The following SLC25A48 variants were observed in gnomAD, a reference collection of about 807,000 sequenced individuals.
SLC25A48 encodes the protein solute carrier family 25 member 48, also known as CTC-321K16.1.
SLC25A48 carries 29 observed loss-of-function variants against 32.2 expected under a neutral mutation model. That is an observed-to-expected ratio of 0.90 (90% confidence interval 0.67 to 1.23). The LOEUF is 1.23. Ranked by LOEUF, SLC25A48 falls within the 50% of genes most tolerant of loss-of-function variation. SLC25A48 has a pLI of 0.00. For synonymous variants in SLC25A48, 164 were observed against 172.3 expected (o/e 0.95, Z 0.38); for missense variants, 399 against 422.7 (o/e 0.94, Z 0.49).
chr5:135,697,313 A>G (rs1269159871), intron 3 of SLC25A48, among the ~76,000 whole-genome samples: 2 of 150,804 alleles, frequency 1.3e-5, no homozygotes, highest in African/African-American at 4.9e-5. Context: ...CTGCCCCTCC[A>G]CAGTGCTATC....
chr5:135,771,862 C>T (rs554700471), intron 3 of SLC25A48, among the ~76,000 whole-genome samples: 19 of 151,052 alleles, frequency 1.3e-4, no homozygotes, highest in Admixed American at 2.7e-4. Context: ...TGTACACAAC[C>T]CTGTGATATT....
At chr5:135,612,115 T>A (rs1752087149) in intron 1 of SLC25A48, among the ~76,000 whole-genome samples, 2 of 152,306 alleles carry the variant, frequency 1.3e-5, no homozygotes, top group East Asian at 1.9e-4. Context: ...GTCTAACATA[T>A]AAAATACCTA....
At chr5:135,641,941 A>G (rs1467012617) in intron 3 of SLC25A48, among the ~76,000 whole-genome samples, 3 of 152,206 alleles carry the variant, frequency 2.0e-5, no homozygotes, top group African/African-American at 7.2e-5. Context: ...GCCTCAGGCT[A>G]TTGACAACTA....
intron 3 of SLC25A48, among the ~76,000 whole-genome samples, chr5:135,800,428 C>T (rs2126641794): frequency 6.6e-6 from 1 of 151,998 alleles, no homozygotes; most frequent in Non-Finnish European, 1.5e-5. Context: ...ATATTACTTT[C>T]AATATCACAG....
intron 3 of SLC25A48, among the ~76,000 whole-genome samples, chr5:135,642,792 A>C (rs918479375): frequency 6.6e-6 from 1 of 152,104 alleles, no homozygotes. Flanking sequence ...ACAAAAGGGG[A>C]ACTGAGGATG....
intron 4 of SLC25A48, among the ~76,000 whole-genome samples, chr5:135,853,892 T>A (rs535758366): frequency 2.6e-5 from 4 of 152,208 alleles, no homozygotes; most frequent in Non-Finnish European, 5.9e-5. Context: ...ATATACTTCT[T>A]AAGTAACAAG....
intron 4 of SLC25A48, among the ~76,000 whole-genome samples, chr5:135,861,746 T>G (rs1359157214): frequency 6.6e-6 from 1 of 152,238 alleles, no homozygotes; most frequent in Non-Finnish European, 1.5e-5. Context: ...GGCTCTTTGA[T>G]TCATGAGTGG....
At chr5:135,735,290 G>A (rs1480497903) in intron 3 of SLC25A48, among the ~76,000 whole-genome samples, 1 of 152,216 alleles carries the variant, frequency 6.6e-6, no homozygotes, top group African/African-American at 2.4e-5. Context: ...CAACTTGAAG[G>A]TGAGGTTGAT....
chr5:135,787,556 C>T (rs1756880681), intron 3 of SLC25A48, among the ~76,000 whole-genome samples: 1 of 151,984 alleles, frequency 6.6e-6, no homozygotes, highest in African/African-American at 2.4e-5. Context: ...CTCCTATTTT[C>T]ACAGGAGGTG....
In SLC25A48 at chr5:135,888,340, G is replaced by A; in HGVS notation, c.*316G>A. Reference sequence around the variant, plus strand: ...GCACCAGGGAGCCAGAAACCACCCAGAGAAACGTTGCTTCACTCCTCTGTC... The same window carrying A: ...GCACCAGGGAGCCAGAAACCACCCAAAGAAACGTTGCTTCACTCCTCTGTC... On this transcript the variant is annotated 3_prime_UTR_variant, in exon 8 of 8. Coordinates refer to ENST00000681962, the MANE Select transcript of SLC25A48 (RefSeq NM_001349336.2). The A allele has an allele frequency of 2.5e-6, 1 of 402,416 alleles. No homozygotes were observed. The highest frequency in any genetic ancestry group is 4.5e-6 in the Non-Finnish European group (1 of 219,884). 24.9% of individuals were successfully genotyped at this position (402,416 alleles called of 1,614,324 possible). A position where few individuals can be genotyped will look rare whatever the true frequency, so the allele number is the denominator to read the frequency against.
At chr5:135,764,751 C>G (rs1016959739) in intron 3 of SLC25A48, among the ~76,000 whole-genome samples, 18 of 148,122 alleles carry the variant, frequency 1.2e-4, no homozygotes, top group African/African-American at 4.5e-4. Flanking sequence ...GGGGTGCACA[C>G]CCCACCTGTG....
At position 135,781,334 on chromosome 5, in the gene SLC25A48, T is replaced by C. The variant is rs1756712591; in HGVS notation, c.-520-31189T>C. On this transcript the variant is annotated intron_variant, in intron 3 of 10. Coordinates refer to the SLC25A48 transcript ENST00000646290. ...ATATGCAGAAGGGGTAGGGATGACATTACTCTCCATATCGCGGATGTGTAC... is the reference window on the plus strand; with the variant it reads ...ATATGCAGAAGGGGTAGGGATGACACTACTCTCCATATCGCGGATGTGTAC... Among the ~76,000 whole-genome samples the C allele has an allele frequency of 1.7e-5, 2 of 116,970 alleles. 1 individual carries two copies. The highest frequency in any genetic ancestry group is 4.2e-5 in the Non-Finnish European group (2 of 47,412). 76.7% of individuals were successfully genotyped at this position (116,970 alleles called of 152,430 possible).
intron 3 of SLC25A48, chr5:135,742,383 G>C: frequency 8.5e-7 from 1 of 1,175,266 alleles, no homozygotes. Context: ...ACCTGGCCTA[G>C]GAATCCGTTA....
At chr5:135,735,127 C>T (rs1755330758) in intron 3 of SLC25A48, among the ~76,000 whole-genome samples, 1 of 152,174 alleles carries the variant, frequency 6.6e-6, no homozygotes. Context: ...GCCAGATTTC[C>T]AGCACTTGAA....
chr5:135,597,652 A>T (rs1751684788), intron 1 of SLC25A48, among the ~76,000 whole-genome samples: 1 of 152,254 alleles, frequency 6.6e-6, no homozygotes, highest in African/African-American at 2.4e-5. Flanking sequence ...CATAGTTCAC[A>T]TCCTAAGCTT....
At chr5:135,754,015 C>T (rs1174963593) in intron 3 of SLC25A48, among the ~76,000 whole-genome samples, 1 of 150,218 alleles carries the variant, frequency 6.7e-6, no homozygotes, top group Non-Finnish European at 1.5e-5. Context: ...GCTGTACACC[C>T]ACTGTTACAC....
At chr5:135,638,787 A>G (rs529181150) in intron 3 of SLC25A48, among the ~76,000 whole-genome samples, 26 of 152,356 alleles carry the variant, frequency 1.7e-4, no homozygotes, top group East Asian at 7.7e-4. Flanking sequence ...CATAATCTGC[A>G]TACATCATTG....
chr5:135,732,926 C>G (rs1367284973), intron 3 of SLC25A48, among the ~76,000 whole-genome samples: 4 of 152,146 alleles, frequency 2.6e-5, no homozygotes, highest in Non-Finnish European at 5.9e-5. Context: ...CTTTTGATGG[C>G]TCTTGCAGTG....
intron 3 of SLC25A48, among the ~76,000 whole-genome samples, chr5:135,669,410 A>G (rs1293753336): frequency 6.6e-6 from 1 of 152,134 alleles, no homozygotes; most frequent in East Asian, 1.9e-4. Context: ...GATGCCAGGA[A>G]GCACCTATCT....
Sources: allele counts gnomAD v4.1 joint callset (sites outside exome capture counted in the v4.1 genomes callset), GRCh38; gene constraint gnomAD v4.1.1; transcripts MANE v1.5; gene names NCBI Gene and HGNC (gene_info 2026-07-23, HGNC 2026-07-21).